Variants in IMMP2L observed in about 807,000 individuals in gnomAD.
IMMP2L encodes inner mitochondrial membrane peptidase subunit 2.
A neutral mutation model predicts 19.3 loss-of-function variants in IMMP2L; 18 were observed. The observed-to-expected ratio is 0.93, with a 90% CI of 0.64 to 1.38. The LOEUF (loss-of-function observed/expected upper bound fraction) is 1.38. Among genes scored for constraint, IMMP2L ranks in the 40% most tolerant of loss-of-function variants. IMMP2L has a pLI of 0.00. For missense variants in IMMP2L, 233 were observed against 218.2 expected, an observed-to-expected ratio of 1.07 and a Z score of -0.43; for synonymous variants, 76 against 73.0, an observed-to-expected ratio of 1.04 and a Z score of -0.21.
intron 3 of IMMP2L, among the ~76,000 whole-genome samples, chr7:111,214,331 C>CTTTTTTTTTTTTTTTT (rs1169450523): frequency 1.2e-5 from 1 of 82,194 alleles, no homozygotes; most frequent in Non-Finnish European, 2.2e-5. Flanking sequence ...AATTTTTCTT[C>CTTTTTTTTTTTTTTTT]TTTTTTTTTT....
At chr7:111,345,607 T>C (rs1563084208) in intron 3 of IMMP2L, among the ~76,000 whole-genome samples, 1 of 151,432 alleles carries the variant, frequency 6.6e-6, no homozygotes, top group African/African-American at 2.4e-5. Flanking sequence ...TGCTTGAAAA[T>C]AACATGATAT....
At chr7:111,287,094 C>G (rs1189428117) in intron 3 of IMMP2L, among the ~76,000 whole-genome samples, 1 of 152,068 alleles carries the variant, frequency 6.6e-6, no homozygotes. Flanking sequence ...AGAGAAGGTG[C>G]TATGAAACCA....
chr7:111,306,606 C>CTGTGTGTG (rs71147473), intron 3 of IMMP2L, among the ~76,000 whole-genome samples: 10 of 136,118 alleles, frequency 7.3e-5, no homozygotes, highest in Non-Finnish European at 1.1e-4. Flanking sequence ...TCACTGGACT[C>CTGTGTGTG]TGTGTGTGTG....
At chr7:111,473,870 A>G (rs546654342) in intron 3 of IMMP2L, among the ~76,000 whole-genome samples, 1 of 152,252 alleles carries the variant, frequency 6.6e-6, no homozygotes, top group Non-Finnish European at 1.5e-5. Context: ...GCACACACTC[A>G]TATGTTCATC....
At chr7:111,446,277 G>C (rs1259610047) in intron 3 of IMMP2L, among the ~76,000 whole-genome samples, 4 of 150,832 alleles carry the variant, frequency 2.7e-5, no homozygotes, top group Non-Finnish European at 4.4e-5. Context: ...CAAAAAGACA[G>C]CAGTAACCTC....
rs1389865143 is a variant in IMMP2L at position 110,727,522 on chromosome 7, T to C, written c.409-63801A>G. ...CACTGTTTCCTCCTCTCCCTCCCAGTGCTCCAAACCAGTAAGAGTCAGAAA... is the reference window on the plus strand; with the variant it reads ...CACTGTTTCCTCCTCTCCCTCCCAGCGCTCCAAACCAGTAAGAGTCAGAAA... On this transcript the variant is annotated intron_variant, in intron 5 of 5. Transcript: ENST00000405709. The surrounding 1 kb of genome is among the most constrained non-coding windows in gnomAD (Gnocchi z 4.3). Among the ~76,000 whole-genome samples the C allele has an allele frequency of 6.6e-6, 1 of 152,206 alleles. No homozygotes were observed. The highest frequency in any genetic ancestry group is 1.5e-5 in the Non-Finnish European group (1 of 68,034).
At chr7:111,348,450 T>C (rs996062608) in intron 3 of IMMP2L, among the ~76,000 whole-genome samples, 2 of 152,128 alleles carry the variant, frequency 1.3e-5, no homozygotes, top group Non-Finnish European at 2.9e-5. Flanking sequence ...ACACAGTAGA[T>C]GTTCATGTTT....
At chr7:111,314,196 C>T (rs766221291) in intron 3 of IMMP2L, among the ~76,000 whole-genome samples, 12 of 152,002 alleles carry the variant, frequency 7.9e-5, no homozygotes, top group Non-Finnish European at 1.6e-4. Flanking sequence ...CTAATACAGG[C>T]GGCTTCAGGG....
rs1230379958 is a variant in IMMP2L at position 111,445,865 on chromosome 7, C to T, written c.239+41373G>A. 2.0e-5 allele frequency among the ~76,000 whole-genome samples: 3 copies of T among 152,246 alleles called. No homozygotes were observed. In the South Asian group the frequency reaches 6.2e-4, roughly 32 times the overall value. On this transcript the variant is annotated intron_variant, in intron 3 of 5. Transcript: ENST00000405709. Reference sequence around the variant, plus strand: ...GTGGGTGCGCGCACCGTGCGTGAGCCGAAGCAGGGCGAGGCATTGCCTCAC... The same window carrying T: ...GTGGGTGCGCGCACCGTGCGTGAGCTGAAGCAGGGCGAGGCATTGCCTCAC...
At chr7:111,446,063 C>T (rs1470028362) in intron 3 of IMMP2L, among the ~76,000 whole-genome samples, 6 of 151,922 alleles carry the variant, frequency 3.9e-5, no homozygotes, top group Non-Finnish European at 7.4e-5. Flanking sequence ...CCTACGCCCA[C>T]GGAATCTCGC....
At chr7:110,754,834 C>T (rs1797940916) in intron 5 of IMMP2L, among the ~76,000 whole-genome samples, 1 of 151,978 alleles carries the variant, frequency 6.6e-6, no homozygotes, top group African/African-American at 2.4e-5. Context: ...TATATTCCTC[C>T]AACAAGAACA....
chr7:111,430,997 C>T (rs1448524221), intron 3 of IMMP2L, among the ~76,000 whole-genome samples: 2 of 151,686 alleles, frequency 1.3e-5, no homozygotes, highest in African/African-American at 4.9e-5. Flanking sequence ...GGGCCAGCTA[C>T]TCGGGAGGCT....
intron 3 of IMMP2L, among the ~76,000 whole-genome samples, chr7:111,361,834 C>T (rs571080818): frequency 6.6e-6 from 1 of 152,234 alleles, no homozygotes; most frequent in African/African-American, 2.4e-5. Flanking sequence ...TATCTCAATT[C>T]TTTTTCTCAT....
chr7:111,101,450 A>G (rs1797966004), intron 3 of IMMP2L, among the ~76,000 whole-genome samples: 1 of 151,548 alleles, frequency 6.6e-6, no homozygotes, highest in African/African-American at 2.4e-5. Flanking sequence ...CTAAGAATCC[A>G]TACTTATTTT....
At chr7:110,668,846 T>A (rs1196047450) in intron 5 of IMMP2L, among the ~76,000 whole-genome samples, 2 of 151,936 alleles carry the variant, frequency 1.3e-5, no homozygotes, top group East Asian at 3.9e-4. Flanking sequence ...TGTCTTGTCA[T>A]GGATCTTCAT....
At position 110,694,499 on chromosome 7, in the gene IMMP2L, G is replaced by A. The variant is rs560878031; in HGVS notation, c.409-30778C>T. ...AAAAGTAATATTTAGGTCCTTAATT[G>A]CCTTTGAGACACAGTCTAAGTTCTG... On this transcript the variant is annotated intron_variant, in intron 5 of 5. Transcript: ENST00000405709. 2.0e-5 allele frequency among the ~76,000 whole-genome samples: 3 copies of A among 152,290 alleles called. No individual in the cohort carries two copies. In the South Asian group the frequency reaches 6.2e-4, roughly 32 times the overall value.
At chr7:111,409,840 A>C (rs891595530) in intron 3 of IMMP2L, among the ~76,000 whole-genome samples, 1 of 146,308 alleles carries the variant, frequency 6.8e-6, no homozygotes, top group African/African-American at 2.5e-5. Context: ...CAATGGCAGA[A>C]GAGGCATGTG....
chr7:111,499,109 T>C (rs926957773), intron 2 of IMMP2L, among the ~76,000 whole-genome samples: 3 of 152,144 alleles, frequency 2.0e-5, no homozygotes, highest in Non-Finnish European at 2.9e-5. Flanking sequence ...CTGTGATCAC[T>C]CAGGCAGCTG....
chr7:111,291,228 A>G (rs1441706218), intron 3 of IMMP2L, among the ~76,000 whole-genome samples: 1 of 152,144 alleles, frequency 6.6e-6, no homozygotes, highest in African/African-American at 2.4e-5. Context: ...AGGGAAAAAA[A>G]AAGTTCAACA....
Sources: gnomAD v4.1 joint callset for allele counts (sites outside exome capture counted in the v4.1 genomes callset) on GRCh38, gnomAD v4.1.1 for gene constraint, Gnocchi (gnomAD v3.1) non-coding constraint, MANE v1.5 for transcripts, NCBI Gene and HGNC (gene_info 2026-07-23, HGNC 2026-07-21) for gene names.